Variants in EOLA2 observed in about 807,000 individuals in gnomAD.
EOLA2 encodes the protein protein EOLA2.
EOLA2 carries 3 observed loss-of-function variants against 4.1 expected under a neutral mutation model. The ratio of observed to expected loss-of-function variants is 0.73; its 90% CI spans 0.33 to 1.89. The LOEUF (loss-of-function observed/expected upper bound fraction) is 1.89, where lower values mean the gene tolerates loss of function less well. Ranked by LOEUF, EOLA2 falls within the 40% of genes most tolerant of loss-of-function variation. The pLI is 0.08. For synonymous variants in EOLA2, 52 were observed against 51.7 expected, an observed-to-expected ratio of 1.01 and a Z score of -0.03; for missense variants, 109 against 126.4, an observed-to-expected ratio of 0.86 and a Z score of 0.66.
intron 3 of EOLA2, 37 bp from the exon 4 acceptor site, chrX:149,933,940 T>A: frequency 7.7e-6 from 9 of 1,169,600 alleles, no homozygotes; most frequent in South Asian, 1.9e-5. Context: ...CGCCAGCCCT[T>A]CAAGCTCATG....
In EOLA2 at chrX:149,932,504, C is replaced by T; in HGVS notation, c.*40G>A. On this transcript the variant is annotated 3_prime_UTR_variant, in exon 5 of 5. Coordinates refer to ENST00000370406, the MANE Select transcript of EOLA2 (RefSeq NM_001013845.2). ...GCAAATTGAAGGTGCCATGATTTAG[C>T]TGGTTTCTCTGGAACATTCCTTTCA... 4 of 1,203,011 alleles carry T rather than the reference C, an allele frequency of 3.3e-6. No individual in the cohort carries two copies. The highest frequency in any genetic ancestry group is 4.5e-6 in the Non-Finnish European group (4 of 889,705).
intron 2 of EOLA2, among the ~76,000 whole-genome samples, chrX:149,935,818 T>A (rs28412769): frequency 1.9e-5 from 2 of 103,601 alleles, no homozygotes; most frequent in Admixed American, 1.0e-4. Flanking sequence ...CCAGCTACAG[T>A]GTTCCTGCCC....
chrX:149,935,633 G>A (rs1164354780), intron 2 of EOLA2, among the ~76,000 whole-genome samples: 1 of 100,297 alleles, frequency 1.0e-5, no homozygotes, highest in African/African-American at 3.8e-5. Context: ...AGCATGGCTG[G>A]GCACACTCCT....
At chrX:149,932,965 AG>A in intron 4 of EOLA2, among the ~76,000 whole-genome samples, 198 bp from the exon 5 acceptor site, 1 of 99,911 alleles carries the variant, frequency 1.0e-5, no homozygotes. Context: ...TGGGAGAGGC[AG>A]GGGGAGGGCT....
At chrX:149,937,216 A>G (rs1469772416) in intron 2 of EOLA2, among the ~76,000 whole-genome samples, 1 of 112,132 alleles carries the variant, frequency 8.9e-6, no homozygotes, top group Non-Finnish European at 1.9e-5. Flanking sequence ...ACGGAGGCTG[A>G]ATGTCCCCCA....
intron 2 of EOLA2, among the ~76,000 whole-genome samples, chrX:149,935,759 A>G (rs1157274987): frequency 5.7e-5 from 6 of 104,599 alleles, no homozygotes; most frequent in Non-Finnish European, 1.2e-4. Flanking sequence ...TCAGGACCCC[A>G]ACCATCACCA....
At position 149,938,396 on chromosome X, in the gene EOLA2, T is replaced by C. The variant is rs2091056429; in HGVS notation, c.-414A>G. On this transcript the variant is annotated 5_prime_UTR_variant, in exon 1 of 5. Coordinates refer to ENST00000370406, the MANE Select transcript of EOLA2 (RefSeq NM_001013845.2). ...GGGCTGTAAGGTAGCTGCCGCTTAC[T>C]CCCGGAAACCGGTGGCCAGTGACAG... is the stretch of plus-strand genomic sequence containing the variant. 1 of 112,762 alleles carries C rather than the reference T, an allele frequency of 8.9e-6. No individual in the cohort carries two copies. Among genetic ancestry groups the C allele is most frequent in the Admixed American group, 9.3e-5 (1 of 10,781 alleles). 9.3% of individuals were successfully genotyped at this position (112,762 alleles called of 1,213,427 possible).
Position 149,932,444 on chromosome X carries a change from C to A in EOLA2, c.*100G>T, listed in dbSNP as rs782391600. 251 of 1,169,620 alleles carry A rather than the reference C, an allele frequency of 2.1e-4. No homozygotes were observed. In the African/African-American group the frequency reaches 2.9e-3, roughly 14 times the overall value. On this transcript the variant is annotated 3_prime_UTR_variant, in exon 5 of 5. Coordinates refer to ENST00000370406, the MANE Select transcript of EOLA2 (RefSeq NM_001013845.2). ...ACTCTCCAAAGCAGTGGAAATTCATCTTTAACCTAATTTATACAGGTCTGC... is the reference window on the plus strand; with the variant it reads ...ACTCTCCAAAGCAGTGGAAATTCATATTTAACCTAATTTATACAGGTCTGC...
intron 2 of EOLA2, among the ~76,000 whole-genome samples, chrX:149,935,467 A>C: frequency 6.1e-5 from 2 of 33,039 alleles, no homozygotes; most frequent in African/African-American, 1.4e-4. Context: ...CGCAGTCTCT[A>C]CTTCCTCTCT....
chrX:149,937,715 C>G (rs1360470635), intron 1 of EOLA2, among the ~76,000 whole-genome samples: 3 of 112,759 alleles, frequency 2.7e-5, no homozygotes, highest in African/African-American at 9.7e-5. Flanking sequence ...AGCAGAAAAT[C>G]ATTTCAGCAA....
In EOLA2 at chrX:149,933,905, T is replaced by C; in HGVS notation, c.-29-2A>G. On this transcript the variant is annotated splice_acceptor_variant, in intron 3 of 4. Transcript: ENST00000370406. LOFTEE classifies it low-confidence loss of function (5UTR_SPLICE). ...CAAGCGCCCCGGGCCTCCCGTAGCC[T>C]GCGGAAGCACAGAAGCGCATCACAC... The C allele has an allele frequency of 2.5e-6, 3 of 1,192,258 alleles. No individual in the cohort carries two copies. Among genetic ancestry groups the C allele is most frequent in the South Asian group, 1.8e-5 (1 of 55,065 alleles).
chrX:149,935,176 C>T (rs782088560), intron 2 of EOLA2, among the ~76,000 whole-genome samples: 2,552 of 86,497 alleles, frequency 0.03, 97 homozygotes, highest in African/African-American at 0.11. Flanking sequence ...CCTGATAGGG[C>T]CAAAGCTGCC....
rs782716374 is a variant in EOLA2 at position 149,933,761 on chromosome X, G to A, written c.114C>T (p.Thr38=). The A allele has an allele frequency of 3.3e-6, 4 of 1,206,620 alleles. No individual in the cohort carries two copies. The highest frequency in any genetic ancestry group is 1.8e-5 in the South Asian group (1 of 56,615). Residue 38 remains threonine, a synonymous_variant, in exon 4 of 5, where the codon ACC becomes ACT. Coordinates refer to ENST00000370406, the MANE Select transcript of EOLA2 (RefSeq NM_001013845.2). The part of the protein sequence containing the change: ...RPLLSSQRNC[T]IAVHIAHRDW... ...CCCTGTGAGCAATGTGGACGGCGATGGTACAGTTCCGCTGGCTGCTCAGCA... is the reference window on the plus strand; with the variant it reads ...CCCTGTGAGCAATGTGGACGGCGATAGTACAGTTCCGCTGGCTGCTCAGCA...
chrX:149,932,606 C>T lies in EOLA2; in HGVS notation c.415G>A (p.Gly139Ser). 3 of 1,206,690 alleles carry T rather than the reference C, an allele frequency of 2.5e-6. No individual in the cohort carries two copies. The highest frequency in any genetic ancestry group is 3.0e-5 in the East Asian group (1 of 33,634). ...WLLEPIPRKG[G>S]KDVFQVDIPE... ...ATGTCTACCTGGAATACATCCTTGC[C>T]TCCTTTCCTAGGTATGGGCTCCAGT... Residue 139 changes from glycine (G) to serine (S), a missense_variant, in exon 5 of 5, where the codon GGC becomes AGC. Gly to Ser is a moderately conservative substitution (Grantham distance 56). Transcript: ENST00000370406.
In EOLA2 at chrX:149,932,358, C is replaced by T; in HGVS notation, c.*186G>A. Reference sequence around the variant, plus strand: ...AGGCATCACACAAGGAAAGCCCCACCCCCTACTTCCTTCATCTGAGCAAAG... The same window carrying T: ...AGGCATCACACAAGGAAAGCCCCACTCCCTACTTCCTTCATCTGAGCAAAG... On this transcript the variant is annotated 3_prime_UTR_variant, in exon 5 of 5. Transcript: ENST00000370406. 1 of 999,637 alleles carries T rather than the reference C, an allele frequency of 1.0e-6. No individual in the cohort carries two copies. The highest frequency in any genetic ancestry group is 3.9e-4 in the Middle Eastern group (1 of 2,537). 82.4% of individuals were successfully genotyped at this position (999,637 alleles called of 1,213,427 possible).
At chrX:149,934,249 G>C in intron 2 of EOLA2, 112 bp from the exon 3 acceptor site, 1 of 731,891 alleles carries the variant, frequency 1.4e-6, no homozygotes, top group Non-Finnish European at 1.7e-6. Flanking sequence ...AGAGCGGAGA[G>C]TCGGGGCTGG....
downstream of EOLA2, among the ~76,000 whole-genome samples, chrX:149,930,280 G>T (rs782783938): frequency 2.9e-4 from 33 of 112,214 alleles, no homozygotes; most frequent in African/African-American, 9.8e-4. Flanking sequence ...GAAAAGTATA[G>T]AACTTAAAAA....
chrX:149,937,002 G>A (rs1437185926), intron 2 of EOLA2, among the ~76,000 whole-genome samples: 44 of 110,817 alleles, frequency 4.0e-4, no homozygotes, highest in Non-Finnish European at 6.6e-4. Flanking sequence ...AAGACATGCT[G>A]AAGGAAATGC....
At chrX:149,930,223 T>C, downstream of EOLA2, 4 of 1,089,435 alleles carry the variant, frequency 3.7e-6, no homozygotes, top group South Asian at 2.4e-5. Flanking sequence ...AGAGCTTAAG[T>C]GTCAAAGATA....
Sources: gnomAD v4.1 joint callset for allele counts (sites outside exome capture counted in the v4.1 genomes callset) on GRCh38, gnomAD v4.1.1 for gene constraint, MANE v1.5 for transcripts, NCBI Gene and HGNC (gene_info 2026-07-23, HGNC 2026-07-21) for gene names.